PLXNA2: variants seen among roughly 807,000 people sequenced by gnomAD.
The protein encoded by PLXNA2 is plexin A2.
A neutral mutation model predicts 193.5 loss-of-function variants in PLXNA2; 91 were observed. That is an observed-to-expected ratio of 0.47 (90% CI 0.40 to 0.56). The LOEUF is 0.56. Ranked by LOEUF, PLXNA2 falls within the 20% of genes least tolerant of loss-of-function variation. The probability of loss-of-function intolerance (pLI) is 0.00; values close to 1 mark genes in which losing one functional copy is unlikely to be tolerated. For missense variants in PLXNA2, 1,995 were observed against 2,503.2 expected (o/e 0.80, Z 4.33); for synonymous variants, 997 against 1,027.3 (o/e 0.97, Z 0.56).
intron 4 of PLXNA2, among the ~76,000 whole-genome samples, chr1:208,114,526 T>C (rs1667580927): frequency 6.6e-6 from 1 of 152,236 alleles, no homozygotes; most frequent in African/African-American, 2.4e-5. Flanking sequence ...ACTCTACCTC[T>C]CTGCCTAAAC....
intron 3 of PLXNA2, among the ~76,000 whole-genome samples, chr1:208,190,668 A>T (rs1420262461): frequency 1.3e-5 from 2 of 152,244 alleles, no homozygotes; most frequent in African/African-American, 4.8e-5. Flanking sequence ...TTTGCCCAAG[A>T]CATAGCAATG....
chr1:208,100,241 C>T (rs372997173), intron 5 of PLXNA2, among the ~76,000 whole-genome samples: 10 of 152,016 alleles, frequency 6.6e-5, no homozygotes, highest in South Asian at 4.2e-4. Flanking sequence ...TGGTGGCACA[C>T]GCCTCTAGTT....
chr1:208,237,567 C>T (rs1382247248), intron 1 of PLXNA2, among the ~76,000 whole-genome samples: 1 of 152,130 alleles, frequency 6.6e-6, no homozygotes, highest in African/African-American at 2.4e-5. Context: ...CAGAGAAGAA[C>T]GAGGGGAAAA....
At chr1:208,041,861 C>G (rs911384389) in intron 22 of PLXNA2, among the ~76,000 whole-genome samples, 2 of 152,238 alleles carry the variant, frequency 1.3e-5, no homozygotes, top group African/African-American at 4.8e-5. Flanking sequence ...AGCTGAGATC[C>G]GAGCAAGGGT....
At chr1:208,113,871 T>A (rs932143299) in intron 4 of PLXNA2, among the ~76,000 whole-genome samples, 1 of 152,136 alleles carries the variant, frequency 6.6e-6, no homozygotes, top group Non-Finnish European at 1.5e-5. Context: ...TGGCCTTTTT[T>A]AATGTAAAGT....
At chr1:208,193,187 C>A (rs1217488420) in intron 3 of PLXNA2, among the ~76,000 whole-genome samples, 2 of 152,210 alleles carry the variant, frequency 1.3e-5, no homozygotes, top group Admixed American at 1.3e-4. Context: ...ACAGTCCTGG[C>A]ATTGCTTCAT....
At position 208,026,894 on chromosome 1, in the gene PLXNA2, T is replaced by C. The variant is rs944430005; in HGVS notation, c.*349A>G. ...TTCTTAAAAAAATTAAATAAAGTTC[T>C]CATTATTTCCCCAATATACATCAAA... On this transcript the variant is annotated 3_prime_UTR_variant, in exon 32 of 32. Coordinates refer to ENST00000367033, the MANE Select transcript of PLXNA2 (RefSeq NM_025179.4). 6.0e-6 allele frequency: 1 copy of C among 166,936 alleles called. No homozygotes were observed. The highest frequency in any genetic ancestry group is 1.3e-5 in the Non-Finnish European group (1 of 77,842). 10.3% of individuals were successfully genotyped at this position (166,936 alleles called of 1,614,324 possible).
chr1:208,209,454 G>A (rs1670853540), intron 3 of PLXNA2, among the ~76,000 whole-genome samples: 2 of 152,198 alleles, frequency 1.3e-5, no homozygotes, highest in East Asian at 3.8e-4. Flanking sequence ...TGGCAGGAGG[G>A]TAAGCTTGGG....
At chr1:208,153,902 C>T (rs2102502271) in intron 3 of PLXNA2, among the ~76,000 whole-genome samples, 1 of 152,286 alleles carries the variant, frequency 6.6e-6, no homozygotes, top group East Asian at 1.9e-4. Flanking sequence ...TAGCTGTCAT[C>T]TTCACACCTT....
At chr1:208,091,407 T>C (rs146517118) in intron 9 of PLXNA2, among the ~76,000 whole-genome samples, 1 of 152,342 alleles carries the variant, frequency 6.6e-6, no homozygotes, top group Non-Finnish European at 1.5e-5. Context: ...TTAGACAAGT[T>C]GACACAATTG....
At chr1:208,127,085 G>T (rs942100257) in intron 4 of PLXNA2, among the ~76,000 whole-genome samples, 3 of 152,240 alleles carry the variant, frequency 2.0e-5, no homozygotes, top group Non-Finnish European at 4.4e-5. Context: ...ACTTGCACAA[G>T]AGGCTTTTAA....
chr1:208,109,255 G>T (rs1437720097), intron 4 of PLXNA2, among the ~76,000 whole-genome samples: 1 of 152,110 alleles, frequency 6.6e-6, no homozygotes, highest in African/African-American at 2.4e-5. Flanking sequence ...GATGGAGCTG[G>T]CTCCCTGGGC....
chr1:208,038,753 T>G lies in PLXNA2; in HGVS notation c.4660+72A>C, dbSNP rs1571849113. The G allele has an allele frequency of 1.4e-6, 2 of 1,471,838 alleles. No homozygotes were observed. Among genetic ancestry groups the G allele is most frequent in the East Asian group, 2.3e-5 (1 of 44,104 alleles). 91.2% of individuals were successfully genotyped at this position (1,471,838 alleles called of 1,614,324 possible). A position where few individuals can be genotyped will look rare whatever the true frequency, so the allele number is the denominator to read the frequency against. On this transcript the variant is annotated intron_variant, in intron 25 of 31. Transcript: ENST00000367033. The surrounding 1 kb of genome is among the most constrained non-coding windows in gnomAD (Gnocchi z 4.1). Reference sequence around the variant, plus strand: ...GGACACAGTCATGCCCCTGCAAGGGTTGTGTGCATGGCAGCTTCCCTTCCT... The same window carrying G: ...GGACACAGTCATGCCCCTGCAAGGGGTGTGTGCATGGCAGCTTCCCTTCCT...
chr1:208,077,896 A>G (rs761082394), intron 12 of PLXNA2, among the ~76,000 whole-genome samples: 1 of 152,156 alleles, frequency 6.6e-6, no homozygotes, highest in Non-Finnish European at 1.5e-5. Flanking sequence ...GCCTGGATGC[A>G]GTAAGAGCTC....
intron 1 of PLXNA2, among the ~76,000 whole-genome samples, chr1:208,242,150 C>T (rs183432676): frequency 5.3e-4 from 80 of 152,306 alleles, no homozygotes; most frequent in Admixed American, 3.4e-3. Flanking sequence ...TGAATTCCTC[C>T]AGCCAAGGTT....
rs116429783 is a variant in PLXNA2, at chr1:208,238,884, G to A, written c.-81+4759C>T. 3.7e-3 allele frequency among the ~76,000 whole-genome samples: 556 copies of A among 152,294 alleles called. 1 individual carries two copies. Among genetic ancestry groups the A allele is most frequent in the African/African-American group, 0.013 (523 of 41,562 alleles). ...ATAAGAACGGCAAGGGCCTTTTGGC[G>A]GGCCAGCCAGCAGATTGGACTCCCT... On this transcript the variant is annotated intron_variant, in intron 1 of 31. Coordinates refer to ENST00000367033, the MANE Select transcript of PLXNA2 (RefSeq NM_025179.4).
intron 3 of PLXNA2, among the ~76,000 whole-genome samples, chr1:208,167,693 G>A (rs760369219): frequency 5.3e-5 from 8 of 152,218 alleles, no homozygotes; most frequent in Non-Finnish European, 1.2e-4. Context: ...CATCAGCTGC[G>A]CTCTTCCCTA....
At chr1:208,190,905 G>C (rs116740057) in intron 3 of PLXNA2, among the ~76,000 whole-genome samples, 1 of 152,168 alleles carries the variant, frequency 6.6e-6, no homozygotes. Context: ...GGTGGCAGGA[G>C]TACAGTCTAC....
At chr1:208,086,998 A>T (rs140006632) in intron 9 of PLXNA2, among the ~76,000 whole-genome samples, 104,128 of 140,608 alleles carry the variant, frequency 0.74, 37,521 homozygotes, top group Admixed American at 0.79. Flanking sequence ...TGTGAGAGAG[A>T]GAGAGAGAGA....
Sources: gnomAD v4.1 joint callset for allele counts (sites outside exome capture counted in the v4.1 genomes callset) on GRCh38, gnomAD v4.1.1 for gene constraint, Gnocchi (gnomAD v3.1) non-coding constraint, MANE v1.5 for transcripts, NCBI Gene and HGNC (gene_info 2026-07-23, HGNC 2026-07-21) for gene names.